ACER3: variants seen among roughly 807,000 people sequenced by gnomAD.
ACER3 encodes alkCDase 3.
ACER3 carries 16 observed loss-of-function variants against 48.9 expected under a neutral mutation model. The ratio of observed to expected loss-of-function variants is 0.33; its 90% CI spans 0.22 to 0.50. The LOEUF is 0.50. ACER3 is among the 20% of genes least tolerant of loss of function. ACER3 has a pLI of 0.98. For synonymous variants in ACER3, 109 were observed against 107.8 expected, an observed-to-expected ratio of 1.01 and a Z score of -0.07; for missense variants, 227 against 326.0, an observed-to-expected ratio of 0.70 and a Z score of 2.34.
rs10676364 is a variant in ACER3, at chr11:76,875,107, C to CTTTTTTTTTT, written c.103+14045_103+14054dup. On this transcript the variant is annotated intron_variant, in intron 1 of 10. Transcript: ENST00000532485. Reference sequence around the variant, plus strand: ...TTCTAACATGGCATGAAAAGCACTTCTTTTTTTTTTTTTTTTTTTTTTTTT... The same window carrying CTTTTTTTTTT: ...TTCTAACATGGCATGAAAAGCACTTCTTTTTTTTTTTTTTTTTTTTTTTTTTTTTTTTTTT... 1.0e-3 allele frequency among the ~76,000 whole-genome samples: 79 copies of CTTTTTTTTTT among 78,146 alleles called. 23 individuals carry two copies. Among genetic ancestry groups the CTTTTTTTTTT allele is most frequent in the South Asian group, 1.4e-3 (2 of 1,450 alleles). The allele number at this position is 78,146 out of a possible 152,430, so 51.3% of individuals were successfully genotyped here. A position where few individuals can be genotyped will look rare whatever the true frequency, so the allele number is the denominator to read the frequency against.
chr11:76,975,958 CA>C (rs1208925968), intron 3 of ACER3, among the ~76,000 whole-genome samples: 2 of 143,108 alleles, frequency 1.4e-5, no homozygotes, highest in Admixed American at 7.3e-5. Context: ...TGGCTCACTG[CA>C]GCCTCGACCT....
At chr11:76,873,921 T>C (rs1945304145) in intron 1 of ACER3, among the ~76,000 whole-genome samples, 3 of 152,204 alleles carry the variant, frequency 2.0e-5, no homozygotes, top group African/African-American at 7.2e-5. Flanking sequence ...AGATTTTAAG[T>C]TGTTTTTTCA....
At chr11:76,862,834 A>G (rs1944977398) in intron 1 of ACER3, among the ~76,000 whole-genome samples, 2 of 152,210 alleles carry the variant, frequency 1.3e-5, no homozygotes, top group Admixed American at 1.3e-4. Flanking sequence ...TGAACTCAAT[A>G]TTTTCGAAGG....
intron 1 of ACER3, among the ~76,000 whole-genome samples, chr11:76,926,289 T>C (rs1946827710): frequency 6.6e-6 from 1 of 152,226 alleles, no homozygotes; most frequent in Non-Finnish European, 1.5e-5. Context: ...ATCTTTTTCT[T>C]GCTTGCCTTT....
intron 4 of ACER3, among the ~76,000 whole-genome samples, chr11:76,982,666 T>G (rs1044627690): frequency 6.6e-6 from 1 of 152,224 alleles, no homozygotes; most frequent in Non-Finnish European, 1.5e-5. Flanking sequence ...ACAGAAGTTT[T>G]AAATTGTTAT....
intron 1 of ACER3, among the ~76,000 whole-genome samples, chr11:76,881,727 G>C (rs1455781121): frequency 1.3e-5 from 2 of 152,026 alleles, no homozygotes; most frequent in Non-Finnish European, 2.9e-5. Flanking sequence ...AAAAGAAAAA[G>C]GAAACATACT....
intron 1 of ACER3, among the ~76,000 whole-genome samples, chr11:76,913,828 C>A (rs1158418317): frequency 1.3e-5 from 2 of 152,114 alleles, no homozygotes; most frequent in Non-Finnish European, 2.9e-5. Flanking sequence ...CCAAAACAGC[C>A]TGGTACTGGT....
chr11:77,014,182 A>G (rs1949321680), intron 7 of ACER3, among the ~76,000 whole-genome samples: 1 of 152,196 alleles, frequency 6.6e-6, no homozygotes, highest in African/African-American at 2.4e-5. Flanking sequence ...TATTTTCAGT[A>G]CCTCACCAAG....
intron 1 of ACER3, among the ~76,000 whole-genome samples, chr11:76,901,184 A>T (rs917535790): frequency 1.3e-5 from 2 of 151,738 alleles, no homozygotes; most frequent in African/African-American, 4.8e-5. Context: ...TTTTGCATTT[A>T]AGGGGGTAGA....
At chr11:76,925,331 A>G (rs762583328) in intron 1 of ACER3, among the ~76,000 whole-genome samples, 13 of 152,158 alleles carry the variant, frequency 8.5e-5, no homozygotes, top group Non-Finnish European at 1.6e-4. Flanking sequence ...CTGCACTTGT[A>G]AATATATATG....
intron 1 of ACER3, among the ~76,000 whole-genome samples, chr11:76,889,484 A>G (rs1273180465): frequency 1.3e-5 from 2 of 152,236 alleles, no homozygotes; most frequent in Non-Finnish European, 2.9e-5. Context: ...ACTAAATGCT[A>G]TATACACATA....
At chr11:76,931,740 G>T (rs1947003808) in intron 2 of ACER3, among the ~76,000 whole-genome samples, 1 of 151,920 alleles carries the variant, frequency 6.6e-6, no homozygotes, top group Admixed American at 6.6e-5. Flanking sequence ...AGTTTGGCTG[G>T]ATATGAAATT....
intron 1 of ACER3, among the ~76,000 whole-genome samples, chr11:76,911,783 G>A (rs995223670): frequency 5.3e-5 from 8 of 152,120 alleles, no homozygotes; most frequent in Non-Finnish European, 8.8e-5. Flanking sequence ...ATCCAAAAAA[G>A]TATCATTTTT....
chr11:76,933,585 G>A lies in ACER3; in HGVS notation c.214+6918G>A, dbSNP rs1017832708. 1.8e-4 allele frequency among the ~76,000 whole-genome samples: 28 copies of A among 152,000 alleles called. 1 individual carries two copies. Among genetic ancestry groups the A allele is most frequent in the Non-Finnish European group, 2.9e-4 (20 of 67,998 alleles). Reference sequence around the variant, plus strand: ...GTGGACACAGCACATGTTTCAGAGAGCACAGGGTTGGGGGTAAGGTCATAG... The same window carrying A: ...GTGGACACAGCACATGTTTCAGAGAACACAGGGTTGGGGGTAAGGTCATAG... On this transcript the variant is annotated intron_variant, in intron 2 of 10. Coordinates refer to ENST00000532485, the MANE Select transcript of ACER3 (RefSeq NM_018367.7).
chr11:76,907,734 G>A (rs1202807392), intron 1 of ACER3, among the ~76,000 whole-genome samples: 1 of 152,088 alleles, frequency 6.6e-6, no homozygotes, highest in Non-Finnish European at 1.5e-5. Context: ...AGCCGGGCAT[G>A]GTGATGCATG....
Position 76,947,125 on chromosome 11 carries a change from T to C in ACER3, c.215-11854T>C, listed in dbSNP as rs1309652575. On this transcript the variant is annotated intron_variant, in intron 2 of 10. Transcript: ENST00000532485. ...CTGTTTGAAAGGTATCTGCTTACTA[T>C]TCTGGTTCCTCTCTGTGGAGGAGAT... is the stretch of plus-strand genomic sequence containing the variant. Among the ~76,000 whole-genome samples the C allele has an allele frequency of 7.2e-5, 11 of 152,330 alleles. No individual in the cohort carries two copies. In the East Asian group the frequency reaches 2.1e-3, roughly 29 times the overall value.
chr11:77,012,368 A>G (rs1209425559), intron 7 of ACER3, among the ~76,000 whole-genome samples: 1 of 148,368 alleles, frequency 6.7e-6, no homozygotes, highest in East Asian at 2.0e-4. Flanking sequence ...CAGTGAACCA[A>G]GATTGAGCCA....
chr11:77,020,324 T>C lies in ACER3; in HGVS notation c.801T>C (p.His267=), dbSNP rs374949661. ...PVILFEPLRK[H] ...TCCTGTTTGAGCCTCTCAGGAAGCATTGATGAATCATTCCACCAAGAAAAC... is the reference window on the plus strand; with the variant it reads ...TCCTGTTTGAGCCTCTCAGGAAGCACTGATGAATCATTCCACCAAGAAAAC... The change falls in exon 11 of 11, where the codon CAT becomes CAC. Residue 267 remains histidine (H), a synonymous_variant. Coordinates refer to ENST00000532485, the MANE Select transcript of ACER3 (RefSeq NM_018367.7). 5.0e-6 allele frequency: 8 copies of C among 1,613,412 alleles called. No homozygotes were observed. The highest frequency in any genetic ancestry group is 3.3e-5 in the South Asian group (3 of 91,072).
At chr11:76,888,568 G>T (rs971464766) in intron 1 of ACER3, among the ~76,000 whole-genome samples, 2 of 152,184 alleles carry the variant, frequency 1.3e-5, no homozygotes, top group Admixed American at 1.3e-4. Context: ...GCAGAATTCA[G>T]TTTTCTGTGG....
Sources: gnomAD v4.1 joint callset for allele counts (sites outside exome capture counted in the v4.1 genomes callset) on GRCh38, gnomAD v4.1.1 for gene constraint, MANE v1.5 for transcripts, NCBI Gene and HGNC (gene_info 2026-07-23, HGNC 2026-07-21) for gene names.